Variants in RRS1 observed in about 807,000 individuals in gnomAD.
RRS1 encodes the protein ribosome biogenesis regulatory protein homolog.
Under a neutral mutation model 23.1 loss-of-function variants are expected in RRS1, and 10 were observed. The observed-to-expected ratio is 0.43, with a 90% CI of 0.27 to 0.74. The LOEUF is 0.74. Among genes scored for constraint, RRS1 ranks in the 30% least tolerant of loss-of-function variants. RRS1 has a pLI of 0.19. For missense variants in RRS1, 485 were observed against 484.3 expected (o/e 1.00, Z -0.01); for synonymous variants, 198 against 207.7 (o/e 0.95, Z 0.40).
rs945367068 is a variant in RRS1, at chr8:66,429,059, C to G, written c.-73C>G. On this transcript the variant is annotated 5_prime_UTR_variant, in exon 1 of 1. Coordinates refer to ENST00000320270, the MANE Select transcript of RRS1 (RefSeq NM_015169.4). This position sits in a 1 kb window ranked among gnomAD's most constrained non-coding sequence, Gnocchi z 5.1. ...CGGCATCTGCACGTGGTTATGCTGCCGGAGTTTGGGCCGCCACTGTAGGAA... is the reference window on the plus strand; with the variant it reads ...CGGCATCTGCACGTGGTTATGCTGCGGGAGTTTGGGCCGCCACTGTAGGAA... 5.2e-6 allele frequency: 8 copies of G among 1,531,858 alleles called. No individual in the cohort carries two copies. The highest frequency in any genetic ancestry group is 6.2e-6 in the Non-Finnish European group (7 of 1,137,462). 94.9% of individuals were successfully genotyped at this position (1,531,858 alleles called of 1,614,324 possible).
At position 66,429,503 on chromosome 8, in the gene RRS1, T is replaced by A. The variant is rs1448618095; in HGVS notation, c.372T>A (p.Arg124=). 1.2e-6 allele frequency: 2 copies of A among 1,604,860 alleles called. No homozygotes were observed. The highest frequency in any genetic ancestry group is 1.7e-6 in the Non-Finnish European group (2 of 1,176,062). Residue 124 remains arginine, a synonymous_variant, in exon 1 of 1, where the codon CGT becomes CGA. Transcript: ENST00000320270. This position sits in a 1 kb window ranked among gnomAD's most constrained non-coding sequence, Gnocchi z 5.1. ...WQQFARLKGI[R]PKKKTNLVWD... ...AGTTCGCGCGCCTCAAGGGCATCCG[T>A]CCCAAGAAGAAGACCAACCTGGTGT...
chr8:66,430,079 G>T lies in RRS1; in HGVS notation c.948G>T (p.Arg316=). 6.2e-7 allele frequency: 1 copy of T among 1,611,206 alleles called. No homozygotes were observed. The highest frequency in any genetic ancestry group is 8.5e-7 in the Non-Finnish European group (1 of 1,179,146). Reference sequence around the variant, plus strand: ...AGAAGGGCAAGAGAAAGGGAGGCCGGCAGGGGCCTGGGGGCAAGAGGAAAG... The same window carrying T: ...AGAAGGGCAAGAGAAAGGGAGGCCGTCAGGGGCCTGGGGGCAAGAGGAAAG... ...MSQKGKRKGG[R]QGPGGKRKGG... The change falls in exon 1 of 1, where the codon CGG becomes CGT. Residue 316 remains arginine, a synonymous_variant. Transcript: ENST00000320270.
At position 66,429,311 on chromosome 8, in the gene RRS1, GC is replaced by G. The variant is rs1163285139; in HGVS notation, c.181del (p.Leu61TyrfsTer28). 1 of 1,557,866 alleles carries G rather than the reference GC, an allele frequency of 6.4e-7. No homozygotes were observed. The highest frequency in any genetic ancestry group is 8.7e-7 in the Non-Finnish European group (1 of 1,150,964). ...RCAGPTPEAE[L>X]QALARDNTQL... ...GCGCCGGACCCACGCCGGAGGCCGA[GC>G]TACAGGCCCTGGCGCGGGACAACAC... On this transcript the variant is annotated frameshift_variant, in exon 1 of 1. Coordinates refer to ENST00000320270, the MANE Select transcript of RRS1 (RefSeq NM_015169.4). LOFTEE classifies it high-confidence loss of function. The surrounding 1 kb of genome is among the most constrained non-coding windows in gnomAD (Gnocchi z 5.1).
In RRS1 at chr8:66,429,520, A is replaced by T; in HGVS notation, c.389A>T (p.Asn130Ile). ...GGCATCCGTCCCAAGAAGAAGACCA[A>T]CCTGGTGTGGGACGAGGTGAGTGGC... ...LKGIRPKKKT[N>I]LVWDEVSGQW... The change falls in exon 1 of 1, where the codon AAC (asparagine) becomes ATC (isoleucine). Residue 130 changes from asparagine to isoleucine, a missense_variant. Coordinates refer to ENST00000320270, the MANE Select transcript of RRS1 (RefSeq NM_015169.4). This position sits in a 1 kb window ranked among gnomAD's most constrained non-coding sequence, Gnocchi z 5.1. 1 of 1,611,470 alleles carries T rather than the reference A, an allele frequency of 6.2e-7. No homozygotes were observed. The highest frequency in any genetic ancestry group is 8.5e-7 in the Non-Finnish European group (1 of 1,179,146).
chr8:66,430,376 T>C lies in RRS1; in HGVS notation c.*147T>C. On this transcript the variant is annotated 3_prime_UTR_variant, in exon 1 of 1. Coordinates refer to ENST00000320270, the MANE Select transcript of RRS1 (RefSeq NM_015169.4). ...CAGGATTGCCCTTCCGTCAAGAAAG[T>C]ATGTAAGTGTTGGACTGCACAAATT... 2.4e-6 allele frequency: 2 copies of C among 842,668 alleles called. No individual in the cohort carries two copies. Among genetic ancestry groups the C allele is most frequent in the Admixed American group, 2.4e-5 (1 of 41,430 alleles). The allele number at this position is 842,668 out of a possible 1,614,324, so 52.2% of individuals were successfully genotyped here. A position where few individuals can be genotyped will look rare whatever the true frequency, so the allele number is the denominator to read the frequency against.
In RRS1 at chr8:66,430,396, C is replaced by T. The variant is rs1306017033; in HGVS notation, c.*167C>T. The stretch of plus-strand genomic sequence containing the variant: ...GAAAGTATGTAAGTGTTGGACTGCA[C>T]AAATTAATGTTTTTCCCACAACCGA... On this transcript the variant is annotated 3_prime_UTR_variant, in exon 1 of 1. Transcript: ENST00000320270. The T allele has an allele frequency of 2.9e-6, 2 of 680,552 alleles. No homozygotes were observed. Among genetic ancestry groups the T allele is most frequent in the Non-Finnish European group, 5.0e-6 (2 of 403,584 alleles). 42.2% of individuals were successfully genotyped at this position (680,552 alleles called of 1,614,324 possible).
In RRS1 at chr8:66,429,867, C is replaced by T. The variant is rs373983355; in HGVS notation, c.736C>T (p.Arg246Trp). Residue 246 changes from arginine to tryptophan, a missense_variant, in exon 1 of 1, where the codon CGG becomes TGG. Arg to Trp is a moderately radical substitution (Grantham distance 101, BLOSUM62 -3). Transcript: ENST00000320270. The surrounding 1 kb of genome is among the most constrained non-coding windows in gnomAD (Gnocchi z 5.1). ...QERLPKEKVP[R>W]GSGKKRKFQP... is the part of the protein sequence containing the mutation. The stretch of plus-strand genomic sequence containing the variant: ...GCGCCTCCCCAAGGAGAAGGTGCCC[C>T]GGGGCTCCGGCAAGAAAAGGAAGTT... 4.3e-5 allele frequency: 69 copies of T among 1,613,766 alleles called. No individual in the cohort carries two copies. In the African/African-American group the frequency reaches 8.0e-4, roughly 19 times the overall value.
chr8:66,430,252 T>C lies in RRS1; in HGVS notation c.*23T>C, dbSNP rs1015446658. 3.1e-6 allele frequency: 5 copies of C among 1,612,886 alleles called. No individual in the cohort carries two copies. The highest frequency in any genetic ancestry group is 4.2e-6 in the Non-Finnish European group (5 of 1,179,546). ...TAATAGTTTCTAACTGTCGGACCCG[T>C]CTGTAAACCAAGGACTATGAATACT... On this transcript the variant is annotated 3_prime_UTR_variant, in exon 1 of 1. Coordinates refer to ENST00000320270, the MANE Select transcript of RRS1 (RefSeq NM_015169.4).
chr8:66,429,591 AAAG>A lies in RRS1; in HGVS notation c.463_465del (p.Glu155del), dbSNP rs1805178705. The A allele has an allele frequency of 6.2e-7, 1 of 1,613,062 alleles. No homozygotes were observed. On this transcript the variant is annotated inframe_deletion, in exon 1 of 1. Coordinates refer to ENST00000320270, the MANE Select transcript of RRS1 (RefSeq NM_015169.4). The surrounding 1 kb of genome is among the most constrained non-coding windows in gnomAD (Gnocchi z 5.1). The stretch of plus-strand genomic sequence containing the variant: ...CTACCAGCGCGCCCGGGACGACACC[AAAG>A]AATGGCTGATTGAGGTGCCCGGCAA...
Position 66,429,329 on chromosome 8 carries a change from G to A in RRS1, c.198G>A (p.Arg66=), listed in dbSNP as rs1378589710. The change falls in exon 1 of 1, where the codon CGG becomes CGA. Residue 66 remains arginine (R), a synonymous_variant. Coordinates refer to ENST00000320270, the MANE Select transcript of RRS1 (RefSeq NM_015169.4). The surrounding 1 kb of genome is among the most constrained non-coding windows in gnomAD (Gnocchi z 5.1). ...TPEAELQALA[R]DNTQLLINQL... is the part of the protein sequence containing the mutation. ...AGGCCGAGCTACAGGCCCTGGCGCG[G>A]GACAACACGCAACTGCTCATCAACC... is the stretch of plus-strand genomic sequence containing the variant. 29 of 1,553,328 alleles carry A rather than the reference G, an allele frequency of 1.9e-5. No individual in the cohort carries two copies. Among genetic ancestry groups the A allele is most frequent in the Non-Finnish European group, 2.5e-5 (29 of 1,148,374 alleles).
rs751588815 is a variant in RRS1, at chr8:66,430,343, T to C, written c.*114T>C. 2 of 1,149,160 alleles carry C rather than the reference T, an allele frequency of 1.7e-6. No homozygotes were observed. The highest frequency in any genetic ancestry group is 2.5e-6 in the Non-Finnish European group (2 of 796,768). The allele number at this position is 1,149,160 out of a possible 1,614,324, so 71.2% of individuals were successfully genotyped here. ...ACCTGGCCGCTGCCTTCATTGAGTT[T>C]AAAGGGACAGGATTGCCCTTCCGTC... On this transcript the variant is annotated 3_prime_UTR_variant, in exon 1 of 1. Coordinates refer to ENST00000320270, the MANE Select transcript of RRS1 (RefSeq NM_015169.4).
In RRS1 at chr8:66,429,086, A is replaced by G; in HGVS notation, c.-46A>G. On this transcript the variant is annotated 5_prime_UTR_variant, in exon 1 of 1. Coordinates refer to ENST00000320270, the MANE Select transcript of RRS1 (RefSeq NM_015169.4). This position sits in a 1 kb window ranked among gnomAD's most constrained non-coding sequence, Gnocchi z 5.1. ...GAGTTTGGGCCGCCACTGTAGGAAA[A>G]GTAACTTCAGCTGCAGCCCCAAAGC... 6.4e-7 allele frequency: 1 copy of G among 1,555,412 alleles called. No homozygotes were observed. The highest frequency in any genetic ancestry group is 8.7e-7 in the Non-Finnish European group (1 of 1,148,908).
rs754492551 is a variant in RRS1 at position 66,429,180 on chromosome 8, G to A, written c.49G>A (p.Glu17Lys). 4 of 1,613,520 alleles carry A rather than the reference G, an allele frequency of 2.5e-6. No homozygotes were observed. The Admixed American group carries it at 5.0e-5, about 20-fold the overall frequency. ...EELLAKAEQD[E>K]AEKLQRITVH... ...GCTGCTCGCAAAGGCAGAGCAGGAC[G>A]AGGCAGAGAAGTTGCAACGCATCAC... is the stretch of plus-strand genomic sequence containing the variant. Residue 17 changes from glutamate to lysine, a missense_variant, in exon 1 of 1, where the codon GAG becomes AAG. By Grantham distance (56) the Glu-to-Lys change is moderately conservative (BLOSUM62 1). Coordinates refer to ENST00000320270, the MANE Select transcript of RRS1 (RefSeq NM_015169.4). The surrounding 1 kb of genome is among the most constrained non-coding windows in gnomAD (Gnocchi z 5.1).
Position 66,429,523 on chromosome 8 carries a change from TG to T in RRS1, c.394del (p.Val132CysfsTer5). On this transcript the variant is annotated frameshift_variant, in exon 1 of 1. Coordinates refer to ENST00000320270, the MANE Select transcript of RRS1 (RefSeq NM_015169.4). LOFTEE classifies it high-confidence loss of function. This position sits in a 1 kb window ranked among gnomAD's most constrained non-coding sequence, Gnocchi z 5.1. The part of the protein sequence containing the change: ...KGIRPKKKTN[L>X]VWDEVSGQWR... Reference sequence around the variant, plus strand: ...ATCCGTCCCAAGAAGAAGACCAACCTGGTGTGGGACGAGGTGAGTGGCCAGT... The same window carrying T: ...ATCCGTCCCAAGAAGAAGACCAACCTGTGTGGGACGAGGTGAGTGGCCAGT... 1 of 1,611,804 alleles carries T rather than the reference TG, an allele frequency of 6.2e-7. No homozygotes were observed. The highest frequency in any genetic ancestry group is 1.1e-5 in the South Asian group (1 of 90,946).
Position 66,430,363 on chromosome 8 carries a change from T to TC in RRS1, c.*136dup, listed in dbSNP as rs1488905801. The TC allele has an allele frequency of 1.7e-5, 16 of 958,870 alleles. No homozygotes were observed. The highest frequency in any genetic ancestry group is 2.5e-5 in the Non-Finnish European group (16 of 630,024). The allele number at this position is 958,870 out of a possible 1,614,324, so 59.4% of individuals were successfully genotyped here. A position where few individuals can be genotyped will look rare whatever the true frequency, so the allele number is the denominator to read the frequency against. ...GAGTTTAAAGGGACAGGATTGCCCT[T>TC]CCGTCAAGAAAGTATGTAAGTGTTG... On this transcript the variant is annotated 3_prime_UTR_variant, in exon 1 of 1. Coordinates refer to ENST00000320270, the MANE Select transcript of RRS1 (RefSeq NM_015169.4).
chr8:66,429,891 T>G lies in RRS1; in HGVS notation c.760T>G (p.Phe254Val). Residue 254 changes from phenylalanine to valine, a missense_variant, in exon 1 of 1, where the codon TTT (phenylalanine) becomes GTT (valine). Transcript: ENST00000320270. This position sits in a 1 kb window ranked among gnomAD's most constrained non-coding sequence, Gnocchi z 5.1. The part of the protein sequence containing the change: ...VPRGSGKKRK[F>V]QPLFGDFAAE... Reference sequence around the variant, plus strand: ...CCGGGGCTCCGGCAAGAAAAGGAAGTTTCAACCCCTTTTCGGGGACTTTGC... The same window carrying G: ...CCGGGGCTCCGGCAAGAAAAGGAAGGTTCAACCCCTTTTCGGGGACTTTGC... 1.9e-6 allele frequency: 3 copies of G among 1,613,890 alleles called. No individual in the cohort carries two copies. The highest frequency in any genetic ancestry group is 2.5e-6 in the Non-Finnish European group (3 of 1,179,984).
At position 66,430,245 on chromosome 8, in the gene RRS1, G is replaced by A. The variant is rs200975585; in HGVS notation, c.*16G>A. 7.6e-5 allele frequency: 122 copies of A among 1,613,340 alleles called. No individual in the cohort carries two copies. The African/African-American group carries it at 9.6e-4, about 13-fold the overall frequency. On this transcript the variant is annotated 3_prime_UTR_variant, in exon 1 of 1. Coordinates refer to ENST00000320270, the MANE Select transcript of RRS1 (RefSeq NM_015169.4). ...GAGGAAGTAATAGTTTCTAACTGTC[G>A]GACCCGTCTGTAAACCAAGGACTAT...
Position 66,430,009 on chromosome 8 carries a change from GGGAGGAGGACCA to G in RRS1, c.887_898del (p.Asp296_Glu299del). 2 of 1,612,700 alleles carry G rather than the reference GGGAGGAGGACCA, an allele frequency of 1.2e-6. No homozygotes were observed. The highest frequency in any genetic ancestry group is 1.3e-5 in the African/African-American group (1 of 74,860). Reference sequence around the variant, plus strand: ...ACTAGGGCCACCAATAAGCAGATGAGGGAGGAGGACCAGGAGGAGGCCGCCAAGAGGAGGAAA... The same window carrying G: ...ACTAGGGCCACCAATAAGCAGATGAGGGAGGAGGCCGCCAAGAGGAGGAAA... On this transcript the variant is annotated inframe_deletion, in exon 1 of 1. Transcript: ENST00000320270.
Position 66,429,061 on chromosome 8 carries a change from G to GA in RRS1, c.-70dup, listed in dbSNP as rs1805160034. On this transcript the variant is annotated 5_prime_UTR_variant, in exon 1 of 1. The change abolishes the stop of an existing upstream ORF in the 5' untranslated region. Transcript: ENST00000320270. This position sits in a 1 kb window ranked among gnomAD's most constrained non-coding sequence, Gnocchi z 5.1. ...GCATCTGCACGTGGTTATGCTGCCG[G>GA]AGTTTGGGCCGCCACTGTAGGAAAA... 1 of 1,533,880 alleles carries GA rather than the reference G, an allele frequency of 6.5e-7. No individual in the cohort carries two copies. The highest frequency in any genetic ancestry group is 2.0e-5 in the Admixed American group (1 of 51,092).
Sources: gnomAD v4.1 joint callset for allele counts on GRCh38, gnomAD v4.1.1 for gene constraint, Gnocchi (gnomAD v3.1) non-coding constraint, MANE v1.5 for transcripts, NCBI Gene and HGNC (gene_info 2026-07-23, HGNC 2026-07-21) for gene names.